FOCAD: variants seen among roughly 807,000 people sequenced by gnomAD.
FOCAD encodes the protein focadhesin, also known as KIAA1797.
Under a neutral mutation model 225.6 loss-of-function variants are expected in FOCAD, and 198 were observed. The observed-to-expected ratio is 0.88, with a 90% CI of 0.78 to 0.99. The LOEUF (loss-of-function observed/expected upper bound fraction) is 0.99. FOCAD is among the 50% of genes least tolerant of loss of function. FOCAD has a pLI of 0.00. For synonymous variants in FOCAD, 897 were observed against 755.0 expected, an observed-to-expected ratio of 1.19 and a Z score of -3.08; for missense variants, 2,713 against 2,123.6, an observed-to-expected ratio of 1.28 and a Z score of -5.46.
chr9:20,807,168 A>G (rs1025631402), intron 11 of FOCAD, among the ~76,000 whole-genome samples: 2 of 152,216 alleles, frequency 1.3e-5, no homozygotes, highest in African/African-American at 4.8e-5. Flanking sequence ...GTTGATTTTT[A>G]TAGCTTTTTA....
At chr9:20,909,741 C>G (rs994235840) in intron 22 of FOCAD, among the ~76,000 whole-genome samples, 1 of 152,070 alleles carries the variant, frequency 6.6e-6, no homozygotes, top group African/African-American at 2.4e-5. Flanking sequence ...TACACTGATG[C>G]ATTTATGCTT....
chr9:20,861,179 A>T (rs565262980), intron 15 of FOCAD, among the ~76,000 whole-genome samples: 1 of 152,200 alleles, frequency 6.6e-6, no homozygotes, highest in Non-Finnish European at 1.5e-5. Flanking sequence ...GTCATATCAT[A>T]TACCTTTTTG....
chr9:20,764,966 C>G lies in FOCAD; in HGVS notation c.592C>G (p.Leu198Val), dbSNP rs759618724. The change falls in exon 7 of 44, where the codon CTG becomes GTG. Residue 198 changes from leucine to valine, a missense_variant. Transcript: ENST00000338382. Reference sequence around the variant, plus strand: ...AGAATATGCTAAACTCCGACTAGCCCTGCTGAAAGTCTTACTTCAACCCCA... The same window carrying G: ...AGAATATGCTAAACTCCGACTAGCCGTGCTGAAAGTCTTACTTCAACCCCA... Reference protein sequence around the residue: ...LQEYAKLRLALLKVLLQPQVL... With the variant: ...LQEYAKLRLAVLKVLLQPQVL... 2 of 1,614,066 alleles carry G rather than the reference C, an allele frequency of 1.2e-6. No individual in the cohort carries two copies. The highest frequency in any genetic ancestry group is 1.7e-6 in the Non-Finnish European group (2 of 1,179,994).
In FOCAD at chr9:20,758,109, A is replaced by G. The variant is rs1469402799; in HGVS notation, c.412A>G (p.Ile138Val). The change falls in exon 6 of 44, where the codon ATA becomes GTA. Residue 138 changes from isoleucine (I) to valine (V), a missense_variant. Coordinates refer to ENST00000338382, the MANE Select transcript of FOCAD (RefSeq NM_001375567.1). ...TTTCAGAAATCATCCTCATCCTTTG[A>G]TAACTGTGCTTGAACACAGACCTGA... The part of the protein sequence containing the change: ...YTIRNHPHPL[I>V]TVLEHRPDCW... 1.2e-6 allele frequency: 2 copies of G among 1,609,196 alleles called. No individual in the cohort carries two copies. The highest frequency in any genetic ancestry group is 1.3e-5 in the African/African-American group (1 of 74,786).
At chr9:20,776,040 C>T (rs77902656) in intron 8 of FOCAD, among the ~76,000 whole-genome samples, 211 of 152,132 alleles carry the variant, frequency 1.4e-3, no homozygotes, top group African/African-American at 4.9e-3. Flanking sequence ...ACAATGTGAT[C>T]CCAGCAAGCA....
intron 8 of FOCAD, among the ~76,000 whole-genome samples, chr9:20,770,652 TC>T (rs1818123016): frequency 1.3e-5 from 2 of 152,180 alleles, no homozygotes; most frequent in South Asian, 4.1e-4. Context: ...GGGGCATAGA[TC>T]CAAACCATAT....
At chr9:20,804,154 A>G (rs779100822) in intron 11 of FOCAD, among the ~76,000 whole-genome samples, 3 of 152,072 alleles carry the variant, frequency 2.0e-5, no homozygotes, top group Non-Finnish European at 4.4e-5. Context: ...GAGGTTTACA[A>G]GTAGAAGTCT....
At position 20,955,280 on chromosome 9, in the gene FOCAD, T is replaced by A. The variant is rs536626521; in HGVS notation, c.4132+2215T>A. The stretch of plus-strand genomic sequence containing the variant: ...CAATCCACATTTGTGCTAGGATGAG[T>A]TTGGGCATGGTGGTCTCAAATTTAG... On this transcript the variant is annotated intron_variant, in intron 35 of 43. Transcript: ENST00000338382. Among the ~76,000 whole-genome samples the A allele has an allele frequency of 2.1e-3, 320 of 152,108 alleles. 1 individual carries two copies. The highest frequency in any genetic ancestry group is 7.3e-3 in the African/African-American group (303 of 41,490).
rs1834344784 is a variant in FOCAD, at chr9:20,920,807, C to T, written c.2853-2853C>T. 4.8e-5 allele frequency among the ~76,000 whole-genome samples: 7 copies of T among 144,784 alleles called. No individual in the cohort carries two copies. The South Asian group carries it at 1.3e-3, about 28-fold the overall frequency. The allele number at this position is 144,784 out of a possible 152,430, so 95.0% of individuals were successfully genotyped here. On this transcript the variant is annotated intron_variant, in intron 24 of 43. Coordinates refer to ENST00000338382, the MANE Select transcript of FOCAD (RefSeq NM_001375567.1). ...GAAAGGGAACATCACACTCTGGGGA[C>T]TGTTGTGGGGTGGGGGGAGTGGGGA...
intron 20 of FOCAD, 111 bp downstream of exon 20, chr9:20,882,167 A>C: frequency 1.1e-6 from 1 of 872,736 alleles, no homozygotes; most frequent in Non-Finnish European, 1.8e-6. Flanking sequence ...TGCTACTAAC[A>C]TGTGGATAAA....
At chr9:20,780,857 T>C (rs1192958196) in intron 9 of FOCAD, among the ~76,000 whole-genome samples, 1 of 152,196 alleles carries the variant, frequency 6.6e-6, no homozygotes, top group Non-Finnish European at 1.5e-5. Context: ...AGTAAATTAG[T>C]AGTGTTAGAG....
At chr9:20,832,548 A>G (rs1825607685) in intron 15 of FOCAD, among the ~76,000 whole-genome samples, 1 of 152,102 alleles carries the variant, frequency 6.6e-6, no homozygotes, top group Non-Finnish European at 1.5e-5. Flanking sequence ...GTTACAAACA[A>G]TCTAATTACA....
At chr9:20,884,440 G>A (rs993686232) in intron 20 of FOCAD, among the ~76,000 whole-genome samples, 1 of 151,952 alleles carries the variant, frequency 6.6e-6, no homozygotes, top group Non-Finnish European at 1.5e-5. Context: ...GGGATTTCAG[G>A]TGTTCGCCAC....
chr9:20,974,637 G>A (rs1243747692), intron 35 of FOCAD, among the ~76,000 whole-genome samples: 1 of 149,376 alleles, frequency 6.7e-6, no homozygotes, highest in African/African-American at 2.5e-5. Flanking sequence ...TTCTGCTGCT[G>A]TTTTCACGTT....
In FOCAD at chr9:20,905,744, T is replaced by C. The variant is rs17832557; in HGVS notation, c.2626-1406T>C. On this transcript the variant is annotated intron_variant, in intron 21 of 43. Transcript: ENST00000338382. Reference sequence around the variant, plus strand: ...CCAGCTGGAAATAGAGCCTAGGTTGTAGTTTGCCACCTGGATAACAGGAGA... The same window carrying C: ...CCAGCTGGAAATAGAGCCTAGGTTGCAGTTTGCCACCTGGATAACAGGAGA... Among the ~76,000 whole-genome samples, 376 of 152,122 alleles carry C rather than the reference T, an allele frequency of 2.5e-3. 4 individuals are homozygous for C. The East Asian group carries it at 0.029, about 12-fold the overall frequency.
chr9:20,706,234 C>T (rs1245904686), intron 1 of FOCAD, among the ~76,000 whole-genome samples: 1 of 151,976 alleles, frequency 6.6e-6, no homozygotes, highest in Non-Finnish European at 1.5e-5. Flanking sequence ...CGTGCCTGGC[C>T]AAGTTTGTAG....
At chr9:20,955,311 C>T (rs892544547) in intron 35 of FOCAD, among the ~76,000 whole-genome samples, 19 of 152,094 alleles carry the variant, frequency 1.2e-4, no homozygotes, top group Non-Finnish European at 2.9e-5. Context: ...TTTAGCCAAT[C>T]AAATTTGAGA....
At chr9:20,835,753 C>A (rs566250743) in intron 15 of FOCAD, among the ~76,000 whole-genome samples, 24 of 152,192 alleles carry the variant, frequency 1.6e-4, no homozygotes, top group Middle Eastern at 3.4e-3. Flanking sequence ...CAGTGCCACT[C>A]CTGTGTTTTC....
chr9:20,686,076 A>G (rs1045705139), intron 1 of FOCAD, among the ~76,000 whole-genome samples: 2 of 152,232 alleles, frequency 1.3e-5, no homozygotes, highest in Non-Finnish European at 2.9e-5. Flanking sequence ...TCCACAAGTG[A>G]TTAGTTGAAT....
Sources: gnomAD v4.1 joint callset for allele counts (sites outside exome capture counted in the v4.1 genomes callset) on GRCh38, gnomAD v4.1.1 for gene constraint, MANE v1.5 for transcripts, NCBI Gene and HGNC (gene_info 2026-07-23, HGNC 2026-07-21) for gene names.